Variants in DOCK1 observed in about 807,000 individuals in gnomAD.
DOCK1 encodes dedicator of cytokinesis 1, also known as dedicator of cytokinesis protein 1.
DOCK1 carries 138 observed loss-of-function variants against 262.7 expected under a neutral mutation model. The ratio of observed to expected loss-of-function variants is 0.53; its 90% CI spans 0.46 to 0.61. The LOEUF is 0.61. Among genes scored for constraint, DOCK1 ranks in the 20% least tolerant of loss-of-function variants. The pLI is 0.00. For synonymous variants in DOCK1, 866 were observed against 867.4 expected, an observed-to-expected ratio of 1.00 and a Z score of 0.03; for missense variants, 1,908 against 2,370.7, an observed-to-expected ratio of 0.80 and a Z score of 4.05.
chr10:127,123,371 T>A (rs957944117), intron 25 of DOCK1, among the ~76,000 whole-genome samples: 1 of 152,178 alleles, frequency 6.6e-6, no homozygotes, highest in Non-Finnish European at 1.5e-5. Flanking sequence ...CAGTGTGTGA[T>A]GTGTTTCCAG....
intron 27 of DOCK1, among the ~76,000 whole-genome samples, chr10:127,236,697 G>A (rs1284038130): frequency 6.6e-6 from 1 of 151,260 alleles, no homozygotes; most frequent in East Asian, 1.9e-4. Flanking sequence ...TTTGACTCCC[G>A]TGTCAATGTT....
chr10:126,948,522 G>T (rs1357542553), intron 1 of DOCK1, among the ~76,000 whole-genome samples: 1 of 151,862 alleles, frequency 6.6e-6, no homozygotes, highest in Non-Finnish European at 1.5e-5. Flanking sequence ...CGGGCCTTTT[G>T]AGGGCATCTG....
chr10:126,988,686 C>T (rs553639257), intron 5 of DOCK1, among the ~76,000 whole-genome samples: 19 of 152,258 alleles, frequency 1.2e-4, no homozygotes, highest in African/African-American at 4.3e-4. Flanking sequence ...TTAATGAGCA[C>T]CTTGGTTTCC....
At chr10:127,372,229 G>C (rs532753110) in intron 33 of DOCK1, among the ~76,000 whole-genome samples, 1 of 152,168 alleles carries the variant, frequency 6.6e-6, no homozygotes, top group Non-Finnish European at 1.5e-5. Context: ...TACTGATCGA[G>C]GACAGGCAGG....
intron 27 of DOCK1, among the ~76,000 whole-genome samples, chr10:127,187,738 G>T (rs904556901): frequency 8.6e-6 from 1 of 115,836 alleles, no homozygotes; most frequent in Non-Finnish European, 2.0e-5. Context: ...GAGAAAGAAA[G>T]AAAGAAAGAG....
At chr10:127,409,764 T>A (rs1171085002) in intron 42 of DOCK1, among the ~76,000 whole-genome samples, 1 of 152,172 alleles carries the variant, frequency 6.6e-6, no homozygotes, top group African/African-American at 2.4e-5. Context: ...GCCAAGTTCA[T>A]ACATGTGAGT....
At position 127,176,711 on chromosome 10, in the gene DOCK1, C is replaced by T. The variant is rs2055194207; in HGVS notation, c.2847+48947C>T. ...ACATTCATCAAGAAACCCAATGATG[C>T]TGCCTCTTCTGCTTTGCAAATTATC... On this transcript the variant is annotated intron_variant, in intron 27 of 51. Coordinates refer to ENST00000623213, the MANE Select transcript of DOCK1 (RefSeq NM_001290223.2). The surrounding 1 kb of genome is among the most constrained non-coding windows in gnomAD (Gnocchi z 4.4). Among the ~76,000 whole-genome samples, 1 of 152,214 alleles carries T rather than the reference C, an allele frequency of 6.6e-6. No homozygotes were observed. The highest frequency in any genetic ancestry group is 2.1e-4 in the South Asian group (1 of 4,834).
At chr10:127,356,432 T>G (rs1330674849) in intron 32 of DOCK1, among the ~76,000 whole-genome samples, 3 of 152,194 alleles carry the variant, frequency 2.0e-5, no homozygotes, top group Non-Finnish European at 4.4e-5. Flanking sequence ...TATACGATGA[T>G]CTCAGTAATA....
chr10:127,427,062 G>A (rs2068860226), intron 47 of DOCK1, among the ~76,000 whole-genome samples: 1 of 152,178 alleles, frequency 6.6e-6, no homozygotes, highest in South Asian at 2.1e-4. Context: ...GCCTGCTCGG[G>A]AACTGTGGAG....
intron 38 of DOCK1, chr10:127,402,766 A>C: frequency 1.7e-6 from 1 of 573,228 alleles, no homozygotes. Flanking sequence ...GCAGCAGGAG[A>C]GCAAAGACAG....
chr10:127,021,463 C>G (rs991344706), intron 13 of DOCK1, among the ~76,000 whole-genome samples: 1 of 152,182 alleles, frequency 6.6e-6, no homozygotes, highest in Non-Finnish European at 1.5e-5. Flanking sequence ...CTGCACCCGG[C>G]CTTGAAGTTC....
chr10:127,049,522 AAAAT>A (rs1191242947), intron 21 of DOCK1, among the ~76,000 whole-genome samples: 3 of 152,288 alleles, frequency 2.0e-5, no homozygotes, highest in African/African-American at 4.8e-5. Context: ...CTCTGTCTCA[AAAAT>A]AAATAAATAA....
At chr10:127,285,892 G>A (rs964408819) in intron 29 of DOCK1, among the ~76,000 whole-genome samples, 1 of 152,184 alleles carries the variant, frequency 6.6e-6, no homozygotes, top group South Asian at 2.1e-4. Context: ...TACCTAAGCA[G>A]GTCAGTCTTT....
chr10:127,248,831 TG>T (rs1448443066), intron 28 of DOCK1, among the ~76,000 whole-genome samples: 2 of 152,142 alleles, frequency 1.3e-5, no homozygotes, highest in Non-Finnish European at 2.9e-5. Context: ...AGGTGAGTGG[TG>T]GGCAAGGGAG....
intron 29 of DOCK1, among the ~76,000 whole-genome samples, chr10:127,336,032 T>TA (rs1210177294): frequency 2.0e-5 from 3 of 151,880 alleles, no homozygotes; most frequent in African/African-American, 7.3e-5. Flanking sequence ...TTTTTTTTTT[T>TA]AGTACAGACG....
At chr10:127,122,225 G>T (rs1233625756) in intron 25 of DOCK1, among the ~76,000 whole-genome samples, 1 of 152,136 alleles carries the variant, frequency 6.6e-6, no homozygotes, top group Non-Finnish European at 1.5e-5. Flanking sequence ...TTCTTTGGGG[G>T]CCTGGGATGG....
intron 32 of DOCK1, among the ~76,000 whole-genome samples, chr10:127,355,319 T>G (rs2064093431): frequency 6.6e-6 from 1 of 152,224 alleles, no homozygotes; most frequent in Non-Finnish European, 1.5e-5. Context: ...GACATGTAAT[T>G]CTTATAGATA....
chr10:127,362,884 CCCACACACACACACATGTACATCT>C (rs1565026705), intron 33 of DOCK1, among the ~76,000 whole-genome samples: 28 of 145,164 alleles, frequency 1.9e-4, no homozygotes, highest in East Asian at 6.0e-4. Context: ...CATACACATC[CCCACACACACACACATGTACATCT>C]CCACACACAC....
At chr10:127,018,339 A>G (rs1415773425) in intron 12 of DOCK1, among the ~76,000 whole-genome samples, 1 of 152,196 alleles carries the variant, frequency 6.6e-6, no homozygotes, top group Non-Finnish European at 1.5e-5. Flanking sequence ...GAGACTAGAA[A>G]ATGACAGACT....
Sources: allele counts gnomAD v4.1 joint callset (sites outside exome capture counted in the v4.1 genomes callset), GRCh38; gene constraint gnomAD v4.1.1; non-coding constraint Gnocchi (gnomAD v3.1); transcripts MANE v1.5; gene names NCBI Gene and HGNC (gene_info 2026-07-23, HGNC 2026-07-21).